Variants in DDX11 observed in about 807,000 individuals in gnomAD.
DDX11 encodes DEAD/H-box helicase 11.
In DDX11, 72 loss-of-function variants were observed where a neutral mutation model predicts 125.2. The ratio of observed to expected loss-of-function variants is 0.58; its 90% CI spans 0.48 to 0.70. The LOEUF (loss-of-function observed/expected upper bound fraction) is 0.70, where lower values mean the gene tolerates loss of function less well. Among genes scored for constraint, DDX11 ranks in the 30% least tolerant of loss-of-function variants. The pLI is 0.00. For synonymous variants in DDX11, 347 were observed against 452.6 expected (o/e 0.77, Z 2.96); for missense variants, 883 against 1,165.0 (o/e 0.76, Z 3.52).
chr12:31,074,323 C>CAACA (rs1445482827), intron 1 of DDX11: 2 of 152,224 alleles, frequency 1.3e-5, no homozygotes, highest in Non-Finnish European at 2.9e-5. Flanking sequence ...TAAGACACTG[C>CAACA]AACAGTGAGT....
chr12:31,101,446 T>C (rs1946361401), intron 20 of DDX11: 1 of 508,426 alleles, frequency 2.0e-6, no homozygotes, highest in South Asian at 2.1e-5. Flanking sequence ...TATCTGCCCC[T>C]GCCGGGGGTA....
chr12:31,095,230 G>A (rs1592740541), intron 14 of DDX11, among the ~76,000 whole-genome samples: 1 of 152,184 alleles, frequency 6.6e-6, no homozygotes, highest in Admixed American at 6.5e-5. Flanking sequence ...TGTACCCAGC[G>A]CTCCCCAGAT....
chr12:31,097,915 T>C lies in DDX11; in HGVS notation c.1793T>C (p.Leu598Ser). ...GSLSQSTLKF[L>S]LLNPAVHFAQ... ...CTCAGTCAGAGCACCCTGAAGTTTT[T>C]GCTCCTGAATCCAGCTGTGCACTTT... The change falls in exon 18 of 27, where the codon TTG (leucine) becomes TCG (serine). Residue 598 changes from leucine to serine, a missense_variant. Around this residue, in one of 5 missense-constraint regions of DDX11, gnomAD observed 241 missense variants for 279.7 expected, o/e 0.86. Transcript: ENST00000542838. The C allele has an allele frequency of 6.2e-7, 1 of 1,613,650 alleles. No homozygotes were observed.
At chr12:31,078,689 CTTTTT>C in intron 2 of DDX11, 152 bp downstream of exon 2, 45 of 845,032 alleles carry the variant, frequency 5.3e-5, no homozygotes, top group Non-Finnish European at 6.1e-5. Flanking sequence ...CTATTAAAGT[CTTTTT>C]TTTTTTTTTT....
At chr12:31,088,078 C>T in intron 6 of DDX11, 95 bp downstream of exon 6, 1 of 1,544,788 alleles carries the variant, frequency 6.5e-7, no homozygotes, top group Non-Finnish European at 8.8e-7. Context: ...CTACTTCTCA[C>T]CCTCCTCTCC....
intron 3 of DDX11, 114 bp downstream of exon 3, chr12:31,084,175 TCTCAGCTCTTCC>T (rs1283162853): frequency 5.0e-6 from 7 of 1,410,434 alleles, no homozygotes; most frequent in Non-Finnish European, 7.0e-6. Context: ...TTGCCGTGCC[TCTCAGCTCTTCC>T]CTCAGCTCCT....
rs1274539025 is a variant in DDX11 at position 31,086,018 on chromosome 12, T to C, written c.638+892T>C. 3.7e-5 allele frequency: 17 copies of C among 453,984 alleles called. No homozygotes were observed. The Admixed American group carries it at 4.0e-4, about 11-fold the overall frequency. 28.1% of individuals were successfully genotyped at this position (453,984 alleles called of 1,614,324 possible). ...GTTCATCCCCGGCCTTCACAGTCTG[T>C]CTGCAGGGCGCCTTCTGATGCCACC... On this transcript the variant is annotated intron_variant, in intron 5 of 26. Transcript: ENST00000542838.
intron 7 of DDX11, 104 bp downstream of exon 7, chr12:31,089,255 G>A: frequency 3.7e-6 from 5 of 1,366,798 alleles, no homozygotes; most frequent in Non-Finnish European, 5.2e-6. Context: ...GTGACAGGCT[G>A]AACCGTGTGA....
At chr12:31,089,774 T>G in intron 8 of DDX11, 112 bp from the exon 9 acceptor site, 6 of 1,542,058 alleles carry the variant, frequency 3.9e-6, no homozygotes, top group Non-Finnish European at 5.3e-6. Flanking sequence ...TGGGAGGGTC[T>G]TATAGACCCT....
At chr12:31,096,527 T>C in intron 15 of DDX11, 110 bp from the exon 16 acceptor site, 1 of 1,587,304 alleles carries the variant, frequency 6.3e-7, no homozygotes, top group South Asian at 1.1e-5. Context: ...GCTGGGGTGG[T>C]GGGATGTGTG....
chr12:31,087,368 A>C (rs1346930590), intron 5 of DDX11, among the ~76,000 whole-genome samples: 8 of 152,050 alleles, frequency 5.3e-5, no homozygotes, highest in Non-Finnish European at 1.0e-4. Flanking sequence ...CCTTGTGGAC[A>C]TGACAGTCTG....
In DDX11 at chr12:31,100,288, C is replaced by A. The variant is rs140846625; in HGVS notation, c.1876-347C>A. On this transcript the variant is annotated intron_variant, in intron 18 of 26. Transcript: ENST00000542838. ...TGGTTACTTTTGGATTTTTGCCAGT[C>A]TAACAGGTGAAAGCCTGGAGATTCT... The A allele has an allele frequency of 2.6e-3, 621 of 236,442 alleles. 8 individuals are homozygous for A. The highest frequency in any genetic ancestry group is 0.013 in the African/African-American group (585 of 43,766). The allele number at this position is 236,442 out of a possible 1,614,324, so 14.6% of individuals were successfully genotyped here. A position where few individuals can be genotyped will look rare whatever the true frequency, so the allele number is the denominator to read the frequency against.
Position 31,088,053 on chromosome 12 carries a change from G to A in DDX11, c.684+70G>A, listed in dbSNP as rs140295685. The A allele has an allele frequency of 1.1e-3, 1,698 of 1,591,118 alleles. 10 individuals are homozygous for A. The African/African-American group carries it at 0.019, about 18-fold the overall frequency. On this transcript the variant is annotated intron_variant, in intron 6 of 26. Coordinates refer to ENST00000542838, the MANE Select transcript of DDX11 (RefSeq NM_030653.4). The stretch of plus-strand genomic sequence containing the variant: ...TGGGCTGTGCACCCCTGGGGAGGAG[G>A]CTGGAGTCACTTGGCTACTTCTCAC...
chr12:31,103,096 T>G, intron 24 of DDX11, 76 bp downstream of exon 24: 1 of 1,541,344 alleles, frequency 6.5e-7, no homozygotes, highest in East Asian at 2.3e-5. Context: ...CCAGGGCTGA[T>G]ACAGCCAGGC....
intron 6 of DDX11, 45 bp from the exon 7 acceptor site, chr12:31,088,999 A>G (rs909841253): frequency 1.4e-6 from 2 of 1,478,750 alleles, no homozygotes; most frequent in African/African-American, 1.4e-5. Context: ...ATGCTGTGGG[A>G]TGTTTTGGTT....
chr12:31,078,337 A>T (rs1364163000), intron 1 of DDX11, 53 bp from the exon 2 acceptor site: 1 of 1,608,202 alleles, frequency 6.2e-7, no homozygotes, highest in Non-Finnish European at 8.5e-7. Flanking sequence ...ATTTCAAGCC[A>T]CTTCTTCCTG....
chr12:31,079,522 A>G (rs1182382294), intron 2 of DDX11, among the ~76,000 whole-genome samples: 1 of 141,322 alleles, frequency 7.1e-6, no homozygotes, highest in African/African-American at 2.8e-5. Context: ...GAGGAGGAGA[A>G]AAACAAATCT....
chr12:31,076,352 G>T (rs978269024), intron 1 of DDX11, among the ~76,000 whole-genome samples: 17 of 152,184 alleles, frequency 1.1e-4, no homozygotes, highest in Non-Finnish European at 1.5e-4. Flanking sequence ...CGTTCCTGGA[G>T]CTGTCTTGAA....
At chr12:31,078,670 T>C (rs34895155) in intron 2 of DDX11, 133 bp downstream of exon 2, 133,154 of 1,330,036 alleles carry the variant, frequency 0.1, 7,428 homozygotes, top group Middle Eastern at 0.17. Context: ...TGAGTAATAG[T>C]CACTTCCTCT....
Sources: allele counts gnomAD v4.1 joint callset (sites outside exome capture counted in the v4.1 genomes callset), GRCh38; gene constraint gnomAD v4.1.1; regional missense constraint gnomAD v4.1.1; transcripts MANE v1.5; gene names NCBI Gene and HGNC (gene_info 2026-07-23, HGNC 2026-07-21).